Variants in NAPB observed in about 807,000 individuals in gnomAD.
The protein encoded by NAPB is beta-soluble NSF attachment protein.
Under a neutral mutation model 44.7 loss-of-function variants are expected in NAPB, and 26 were observed. The observed-to-expected ratio is 0.58, with a 90% CI of 0.43 to 0.81. The LOEUF is 0.81. Among genes scored for constraint, NAPB ranks in the 30% least tolerant of loss-of-function variants. The pLI is 0.00. For missense variants in NAPB, 315 were observed against 356.4 expected (o/e 0.88, Z 0.94); for synonymous variants, 120 against 116.8 (o/e 1.03, Z -0.18).
chr20:23,400,892 G>A (rs1984784442), intron 2 of NAPB, among the ~76,000 whole-genome samples: 1 of 151,702 alleles, frequency 6.6e-6, no homozygotes, highest in African/African-American at 2.4e-5. Context: ...ACTTTCTAAT[G>A]AGAATCACCA....
chr20:23,405,542 G>T (rs917303046), intron 1 of NAPB, among the ~76,000 whole-genome samples: 15 of 152,118 alleles, frequency 9.9e-5, no homozygotes, highest in African/African-American at 3.4e-4. Context: ...GGCCAACTTG[G>T]TGAAACCTCC....
Position 23,377,450 on chromosome 20 carries a change from A to G in NAPB, c.823T>C (p.Trp275Arg), listed in dbSNP as rs779679800. Residue 275 changes from tryptophan to arginine, a missense_variant, in exon 11 of 11, where the codon TGG (tryptophan) becomes CGG (arginine). Coordinates refer to ENST00000377026, the MANE Select transcript of NAPB (RefSeq NM_022080.3). ...EFDSISRLDQ[W>R]LTTMLLRIKK... ...ATGCGAAGCAACATGGTGGTCAGCC[A>G]CTGATCCAAGCGAGATATTGAGTCA... The G allele has an allele frequency of 3.1e-6, 5 of 1,607,280 alleles. No individual in the cohort carries two copies. The highest frequency in any genetic ancestry group is 2.2e-5 in the East Asian group (1 of 44,786).
At position 23,419,133 on chromosome 20, in the gene NAPB, TC is replaced by T. The variant is rs1986212947; in HGVS notation, c.98+2171del. ...TTTTATAAACATAACCTCACTGAAC[TC>T]CCATAAATTTTGAGATATACTATTA... On this transcript the variant is annotated intron_variant, in intron 1 of 10. Coordinates refer to ENST00000377026, the MANE Select transcript of NAPB (RefSeq NM_022080.3). Among the ~76,000 whole-genome samples, 18 of 152,272 alleles carry T rather than the reference TC, an allele frequency of 1.2e-4. No homozygotes were observed. The South Asian group carries it at 3.7e-3, about 32-fold the overall frequency.
intron 1 of NAPB, among the ~76,000 whole-genome samples, chr20:23,419,971 T>G (rs1986268417): frequency 1.3e-5 from 2 of 152,178 alleles, no homozygotes; most frequent in African/African-American, 4.8e-5. Context: ...AAGAGCCCAT[T>G]ATGTCTGTCT....
At chr20:23,384,989 C>A (rs544832909) in intron 7 of NAPB, among the ~76,000 whole-genome samples, 2 of 151,952 alleles carry the variant, frequency 1.3e-5, no homozygotes, top group African/African-American at 4.8e-5. Flanking sequence ...CATGCTGGCA[C>A]GCACCTGTAA....
chr20:23,388,201 T>C (rs1268347858), intron 7 of NAPB, among the ~76,000 whole-genome samples: 1 of 152,054 alleles, frequency 6.6e-6, no homozygotes, highest in Non-Finnish European at 1.5e-5. Flanking sequence ...TCAGCCTATA[T>C]AATCAAGCGA....
chr20:23,376,153 C>A lies in NAPB; in HGVS notation c.*1223G>T, dbSNP rs1382402118. 1 of 98,678 alleles carries A rather than the reference C, an allele frequency of 1.0e-5. No individual in the cohort carries two copies. The highest frequency in any genetic ancestry group is 6.3e-5 in the African/African-American group (1 of 15,994). The allele number at this position is 98,678 out of a possible 1,614,324, so 6.1% of individuals were successfully genotyped here. ...CACATTTCAAATATAAATCATTTAA[C>A]TATAAATATTCAGAGGACATTCAGG... On this transcript the variant is annotated 3_prime_UTR_variant, in exon 11 of 11. Transcript: ENST00000377026.
chr20:23,394,897 C>A (rs377150499), intron 5 of NAPB, 25 bp downstream of exon 5: 37 of 1,606,056 alleles, frequency 2.3e-5, no homozygotes, highest in Non-Finnish European at 3.1e-5. Context: ...TGCTTCACAT[C>A]TGAGGAAGTG....
chr20:23,403,172 G>A lies in NAPB; in HGVS notation c.99-100C>T, dbSNP rs1466577506. The A allele has an allele frequency of 4.9e-6, 4 of 816,946 alleles. No individual in the cohort carries two copies. In the East Asian group the frequency reaches 1.0e-4, roughly 21 times the overall value. 50.6% of individuals were successfully genotyped at this position (816,946 alleles called of 1,614,324 possible). ...TTTAGTATATACTTGCTATGTGCCAGACAAGCATTACAGAATCTTAACCTC... is the reference window on the plus strand; with the variant it reads ...TTTAGTATATACTTGCTATGTGCCAAACAAGCATTACAGAATCTTAACCTC... On this transcript the variant is annotated intron_variant, in intron 1 of 10. Coordinates refer to ENST00000377026, the MANE Select transcript of NAPB (RefSeq NM_022080.3).
intron 1 of NAPB, among the ~76,000 whole-genome samples, chr20:23,418,555 T>C (rs778942904): frequency 6.6e-6 from 1 of 152,208 alleles, no homozygotes; most frequent in Non-Finnish European, 1.5e-5. Flanking sequence ...CTGGAGCAAG[T>C]ATTACTGGAA....
chr20:23,397,011 G>A, intron 3 of NAPB, 61 bp downstream of exon 3: 1 of 1,546,556 alleles, frequency 6.5e-7, no homozygotes, highest in Non-Finnish European at 8.8e-7. Context: ...TTAACGTTGA[G>A]GGAAGTACTG....
chr20:23,383,156 CAAAAAAAAAAAAAAA>C (rs34238446), intron 7 of NAPB, among the ~76,000 whole-genome samples: 18 of 76,720 alleles, frequency 2.3e-4, no homozygotes, highest in African/African-American at 9.5e-4. Context: ...GACTCGGTCT[CAAAAAAAAAAAAAAA>C]AAAAAAAAGG....
chr20:23,418,781 CAAA>C (rs921452946), intron 1 of NAPB, among the ~76,000 whole-genome samples: 1 of 120,500 alleles, frequency 8.3e-6, no homozygotes, highest in Non-Finnish European at 1.8e-5. Flanking sequence ...ACTAAAAATA[CAAA>C]AAAAAAAAAA....
In NAPB at chr20:23,418,274, T is replaced by C. The variant is rs1005617688; in HGVS notation, c.98+3031A>G. 4.6e-5 allele frequency among the ~76,000 whole-genome samples: 7 copies of C among 152,340 alleles called. No homozygotes were observed. In the East Asian group the frequency reaches 1.4e-3, roughly 29 times the overall value. On this transcript the variant is annotated intron_variant, in intron 1 of 10. Transcript: ENST00000377026. ...CATAGAGATGGATTACTCTGCGTTT[T>C]AAATAAAGGATTACATGCAGACCTT... is the stretch of plus-strand genomic sequence containing the variant.
intron 7 of NAPB, among the ~76,000 whole-genome samples, chr20:23,381,655 C>A (rs1337856846): frequency 1.3e-5 from 2 of 152,254 alleles, no homozygotes; most frequent in East Asian, 1.9e-4. Context: ...GTAGTGGGTT[C>A]CCTCAGTTTT....
At chr20:23,401,881 G>C (rs1409999727) in intron 2 of NAPB, among the ~76,000 whole-genome samples, 1 of 152,044 alleles carries the variant, frequency 6.6e-6, no homozygotes, top group Non-Finnish European at 1.5e-5. Flanking sequence ...ACTCTGTCTC[G>C]AATAAATAAA....
chr20:23,381,544 A>G (rs1435079403), intron 7 of NAPB, among the ~76,000 whole-genome samples: 1 of 152,218 alleles, frequency 6.6e-6, no homozygotes, highest in African/African-American at 2.4e-5. Flanking sequence ...TCTGCTTCCA[A>G]TAAGATGGAG....
At position 23,387,803 on chromosome 20, in the gene NAPB, G is replaced by A. The variant is rs181220950; in HGVS notation, c.561+2143C>T. 1.1e-4 allele frequency among the ~76,000 whole-genome samples: 16 copies of A among 152,214 alleles called. No individual in the cohort carries two copies. In the East Asian group the frequency reaches 2.7e-3, roughly 26 times the overall value. On this transcript the variant is annotated intron_variant, in intron 7 of 10. Coordinates refer to ENST00000377026, the MANE Select transcript of NAPB (RefSeq NM_022080.3). ...TGTCAGACTTAGTATTGTTAAGATG[G>A]CAATACTCTCTGTGATGACTGATTT...
chr20:23,419,570 A>T (rs1465030884), intron 1 of NAPB, among the ~76,000 whole-genome samples: 1 of 152,232 alleles, frequency 6.6e-6, no homozygotes, highest in Non-Finnish European at 1.5e-5. Context: ...ATGTTGTAAC[A>T]TTAAAATAAC....
Sources: allele counts gnomAD v4.1 joint callset (sites outside exome capture counted in the v4.1 genomes callset), GRCh38; gene constraint gnomAD v4.1.1; transcripts MANE v1.5; gene names NCBI Gene and HGNC (gene_info 2026-07-23, HGNC 2026-07-21).